Variants in STARD9 observed in about 807,000 individuals in gnomAD.
STARD9 encodes StAR related lipid transfer domain containing 9.
In STARD9, 346 loss-of-function variants were observed where a neutral mutation model predicts 399.8. The observed-to-expected ratio is 0.87, with a 90% confidence interval of 0.79 to 0.95. STARD9 has a LOEUF of 0.95. Among genes scored for constraint, STARD9 ranks in the 40% least tolerant of loss-of-function variants. The probability of loss-of-function intolerance (pLI) is 0.00; values close to 1 mark genes in which losing one functional copy is unlikely to be tolerated. For synonymous variants in STARD9, 2,203 were observed against 2,143.5 expected (o/e 1.03, Z -0.77); for missense variants, 5,832 against 5,667.5 (o/e 1.03, Z -0.93).
At chr15:42,663,728 C>G (rs1002077236) in intron 12 of STARD9, 92 bp from the exon 13 acceptor site, 2 of 1,019,618 alleles carry the variant, frequency 2.0e-6, no homozygotes, top group African/African-American at 3.2e-5. Flanking sequence ...CATCAGGGGT[C>G]TTATACAGCA....
chr15:42,645,563 A>AT lies in STARD9; in HGVS notation c.560-5437dup, dbSNP rs773050530. Among the ~76,000 whole-genome samples, 737 of 141,146 alleles carry AT rather than the reference A, an allele frequency of 5.2e-3. 2 individuals carry two copies. Among genetic ancestry groups the AT allele is most frequent in the South Asian group, 0.023 (102 of 4,384 alleles). 92.6% of individuals were successfully genotyped at this position (141,146 alleles called of 152,430 possible). On this transcript the variant is annotated intron_variant, in intron 7 of 32. Coordinates refer to ENST00000290607, the MANE Select transcript of STARD9 (RefSeq NM_020759.3). ...TAGCATGATTCTTAAGGGCCCTAGG[A>AT]TTTTTTTTTTTTTTTTGAGAGAGGG...
At chr15:42,679,602 C>G (rs1259950484) in intron 20 of STARD9, among the ~76,000 whole-genome samples, 1 of 152,198 alleles carries the variant, frequency 6.6e-6, no homozygotes, top group Non-Finnish European at 1.5e-5. Flanking sequence ...CCTCCAAAGG[C>G]TGCGTTATGA....
intron 20 of STARD9, among the ~76,000 whole-genome samples, chr15:42,677,876 G>A (rs1241491310): frequency 6.6e-6 from 1 of 152,156 alleles, no homozygotes; most frequent in Non-Finnish European, 1.5e-5. Context: ...TCTCAACCCA[G>A]CTGACCTATC....
chr15:42,588,774 G>T (rs374276228), intron 3 of STARD9, among the ~76,000 whole-genome samples: 1 of 86,906 alleles, frequency 1.2e-5, no homozygotes, highest in Non-Finnish European at 2.0e-5. Context: ...CCTCTTCACA[G>T]CGTTTTTTTT....
rs187881047 is a variant in STARD9, at chr15:42,661,205, C to T, written c.750C>T (p.Asn250=). ...CTTCTGAAATGGCTAGCAAGATCAACCTTGTGGACCTAGCAGGCAGGTAAT... is the reference window on the plus strand; with the variant it reads ...CTTCTGAAATGGCTAGCAAGATCAATCTTGTGGACCTAGCAGGCAGGTAAT... ...NLPSEMASKI[N]LVDLAGSERA... is the part of the protein sequence containing the mutation. Residue 250 remains asparagine (N), a synonymous_variant, in exon 10 of 33, where the codon AAC becomes AAT. Coordinates refer to ENST00000290607, the MANE Select transcript of STARD9 (RefSeq NM_020759.3). The T allele has an allele frequency of 3.3e-5, 51 of 1,536,678 alleles. 1 individual carries two copies. The East Asian group carries it at 1.2e-3, about 37-fold the overall frequency.
chr15:42,694,096 A>T lies in STARD9; in HGVS notation c.12518A>T (p.Lys4173Met), dbSNP rs576803508. The change falls in exon 23 of 33, where the codon AAG (lysine) becomes ATG (methionine). Residue 4173 changes from lysine to methionine, a missense_variant. Lys to Met is a moderately conservative substitution (Grantham distance 95). Around this residue, in one of 2 missense-constraint regions of STARD9, gnomAD observed 5,828 missense variants for 5,651.1 expected, o/e 1.03. Coordinates refer to ENST00000290607, the MANE Select transcript of STARD9 (RefSeq NM_020759.3). ...LGASGDLSSE[K>M]QEQSPPQPPN... is the part of the protein sequence containing the mutation. The stretch of plus-strand genomic sequence containing the variant: ...GCCAGCGGTGATCTCAGCTCTGAAA[A>T]GCAGGAACAGAGTCCCCCACAACCT... 1.4e-5 allele frequency: 22 copies of T among 1,537,060 alleles called. No homozygotes were observed. In the South Asian group the frequency reaches 2.6e-4, roughly 18 times the overall value.
Position 42,638,083 on chromosome 15 carries a change from G to A in STARD9, c.442G>A (p.Val148Ile). The A allele has an allele frequency of 6.5e-7, 1 of 1,536,854 alleles. No individual in the cohort carries two copies. Among genetic ancestry groups the A allele is most frequent in the Non-Finnish European group, 8.7e-7 (1 of 1,146,894 alleles). Reference protein sequence around the residue: ...ASLPSSCRIKVSFLEIYNERV... With the variant: ...ASLPSSCRIKISFLEIYNERV... ...ACTGCCTTCCTCCTGTAGGATAAAAGTAAGGTAAGAACCTCCCAAGCTCTG... is the reference window on the plus strand; with the variant it reads ...ACTGCCTTCCTCCTGTAGGATAAAAATAAGGTAAGAACCTCCCAAGCTCTG... Residue 148 changes from valine (V) to isoleucine (I), a missense_variant, in exon 6 of 33, where the codon GTA becomes ATA. By Grantham distance (29) the Val-to-Ile change is conservative. Coordinates refer to ENST00000290607, the MANE Select transcript of STARD9 (RefSeq NM_020759.3).
At chr15:42,591,473 G>A (rs2141698432) in intron 3 of STARD9, among the ~76,000 whole-genome samples, 1 of 149,868 alleles carries the variant, frequency 6.7e-6, no homozygotes, top group African/African-American at 2.5e-5. Context: ...GGGCAACAGA[G>A]CAAGAGTCCA....
At chr15:42,694,403 A>T (rs1184057870) in intron 23 of STARD9, 61 bp downstream of exon 23, 3 of 1,531,984 alleles carry the variant, frequency 2.0e-6, no homozygotes, top group Non-Finnish European at 2.6e-6. Flanking sequence ...AAGAGAACCC[A>T]AGAAAGCTAA....
At chr15:42,609,170 A>G (rs372901148) in intron 3 of STARD9, among the ~76,000 whole-genome samples, 11 of 151,886 alleles carry the variant, frequency 7.2e-5, no homozygotes, top group African/African-American at 2.7e-4. Context: ...AAGAAGAGAA[A>G]GGGGACAAAG....
intron 3 of STARD9, among the ~76,000 whole-genome samples, chr15:42,616,831 C>T (rs1013753231): frequency 6.8e-6 from 1 of 145,988 alleles, no homozygotes; most frequent in African/African-American, 2.6e-5. Flanking sequence ...GCAGAGGTTG[C>T]AGTGAGCTGA....
Position 42,647,429 on chromosome 15 carries a change from A to G in STARD9, c.560-3587A>G, listed in dbSNP as rs924890747. On this transcript the variant is annotated intron_variant, in intron 7 of 32. Transcript: ENST00000290607. ...ATTTTGAGGCTTTATTATTACATGCATACAAAATTAGAATTGTTAAAACTT... is the reference window on the plus strand; with the variant it reads ...ATTTTGAGGCTTTATTATTACATGCGTACAAAATTAGAATTGTTAAAACTT... Among the ~76,000 whole-genome samples the G allele has an allele frequency of 2.6e-5, 4 of 152,188 alleles. No individual in the cohort carries two copies. The East Asian group carries it at 7.7e-4, about 29-fold the overall frequency.
At chr15:42,584,551 C>T (rs902815325) in intron 2 of STARD9, among the ~76,000 whole-genome samples, 9 of 152,170 alleles carry the variant, frequency 5.9e-5, no homozygotes, top group Admixed American at 1.3e-4. Context: ...CAGCCTAATT[C>T]TTCTGTAGTT....
chr15:42,643,594 G>T (rs529710891), intron 7 of STARD9, among the ~76,000 whole-genome samples: 84 of 142,832 alleles, frequency 5.9e-4, no homozygotes, highest in Middle Eastern at 3.5e-3. Flanking sequence ...GGGTTCAAGC[G>T]ATTCTCCTGC....
chr15:42,692,628 C>A lies in STARD9; in HGVS notation c.11050C>A (p.Leu3684Ile), dbSNP rs945344292. The A allele has an allele frequency of 5.9e-6, 9 of 1,537,102 alleles. No homozygotes were observed. The African/African-American group carries it at 1.2e-4, about 21-fold the overall frequency. The change falls in exon 23 of 33, where the codon CTC (leucine) becomes ATC (isoleucine). Residue 3684 changes from leucine (L) to isoleucine (I), a missense_variant. Around this residue, in one of 2 missense-constraint regions of STARD9, gnomAD observed 5,828 missense variants for 5,651.1 expected, o/e 1.03. Transcript: ENST00000290607. Reference protein sequence around the residue: ...WTSMHNLSLHLSQLLHSTSEL... With the variant: ...WTSMHNLSLHISQLLHSTSEL... ...CAGCATGCACAATCTGTCTCTCCACCTCTCACAGCTCCTGCACAGTACCTC... is the reference window on the plus strand; with the variant it reads ...CAGCATGCACAATCTGTCTCTCCACATCTCACAGCTCCTGCACAGTACCTC...
rs2060832842 is a variant in STARD9, at chr15:42,695,788, A to G, written c.13192A>G (p.Thr4398Ala). Residue 4398 changes from threonine to alanine, a missense_variant, in exon 26 of 33, where the codon ACC becomes GCC. Thr to Ala is a moderately conservative substitution (Grantham distance 58). Coordinates refer to ENST00000290607, the MANE Select transcript of STARD9 (RefSeq NM_020759.3). Reference sequence around the variant, plus strand: ...CTTGGCCAATTCCAGCTCCCTGTGCACCAGCTCTAATGGAAGCCTCTCGTC... The same window carrying G: ...CTTGGCCAATTCCAGCTCCCTGTGCGCCAGCTCTAATGGAAGCCTCTCGTC... ...HTLANSSSLC[T>A]SSNGSLSSGM... 6.5e-7 allele frequency: 1 copy of G among 1,537,152 alleles called. No individual in the cohort carries two copies. Among genetic ancestry groups the G allele is most frequent in the African/African-American group, 1.4e-5 (1 of 73,056 alleles).
intron 26 of STARD9, among the ~76,000 whole-genome samples, chr15:42,702,064 A>T (rs1023455287): frequency 6.6e-6 from 1 of 150,566 alleles, no homozygotes; most frequent in Non-Finnish European, 1.5e-5. Flanking sequence ...ACACCTGCTT[A>T]TATCCCCTTC....
chr15:42,693,060 C>T lies in STARD9; in HGVS notation c.11482C>T (p.Gln3828Ter). The T allele has an allele frequency of 6.5e-7, 1 of 1,537,166 alleles. No homozygotes were observed. Among genetic ancestry groups the T allele is most frequent in the East Asian group, 2.4e-5 (1 of 40,908 alleles). ...GAGGTTTCAGAAAGCCCCCGTTGGGCAGCATCTTCCTTCTGTGAGCCCCTC... is the reference window on the plus strand; with the variant it reads ...GAGGTTTCAGAAAGCCCCCGTTGGGTAGCATCTTCCTTCTGTGAGCCCCTC... ...HLRFQKAPVG[Q>*]HLPSVSPSVS... Residue 3828 changes from glutamine to a stop codon, truncating the protein, a stop_gained, in exon 23 of 33, where the codon CAG becomes TAG. Transcript: ENST00000290607. LOFTEE classifies it high-confidence loss of function.
chr15:42,607,220 T>TTTTTA (rs60665683), intron 3 of STARD9, among the ~76,000 whole-genome samples: 1 of 124,972 alleles, frequency 8.0e-6, no homozygotes, highest in Non-Finnish European at 1.7e-5. Flanking sequence ...TTTTTTTTTT[T>TTTTTA]AAGATGGAGT....
Sources: allele counts gnomAD v4.1 joint callset (sites outside exome capture counted in the v4.1 genomes callset), GRCh38; gene constraint gnomAD v4.1.1; regional missense constraint gnomAD v4.1.1; transcripts MANE v1.5; gene names NCBI Gene and HGNC (gene_info 2026-07-23, HGNC 2026-07-21).